The following TENM2 variants were observed in gnomAD, a reference collection of about 807,000 sequenced individuals.
TENM2 encodes teneurin-2.
In TENM2, 52 loss-of-function variants were observed where a neutral mutation model predicts 245.2. That is an observed-to-expected ratio of 0.21 (90% CI 0.17 to 0.27). The LOEUF is 0.27. TENM2 is among the 10% of genes least tolerant of loss of function. TENM2 has a pLI of 1.00. For synonymous variants in TENM2, 1,363 were observed against 1,438.9 expected, an observed-to-expected ratio of 0.95 and a Z score of 1.19; for missense variants, 3,046 against 3,666.8, an observed-to-expected ratio of 0.83 and a Z score of 4.37.
chr5:168,054,591 A>G (rs948636518), intron 6 of TENM2, among the ~76,000 whole-genome samples: 1 of 152,218 alleles, frequency 6.6e-6, no homozygotes, highest in Non-Finnish European at 1.5e-5. Context: ...CCCTGGTATG[A>G]CTATGAGTCC....
At chr5:167,111,159 C>G in the TENM2 span, among the ~76,000 whole-genome samples, 1 of 152,062 alleles carries the variant, frequency 6.6e-6, no homozygotes, top group Non-Finnish European at 1.5e-5. Flanking sequence ...TGTAAACATT[C>G]CTTTATATTT....
chr5:168,045,570 C>A (rs532846128), intron 5 of TENM2, among the ~76,000 whole-genome samples: 1 of 152,184 alleles, frequency 6.6e-6, no homozygotes, highest in East Asian at 1.9e-4. Flanking sequence ...CTTCCATAGA[C>A]GTGAAATCAA....
intron 2 of TENM2, among the ~76,000 whole-genome samples, chr5:167,774,504 A>G (rs2150786295): frequency 6.6e-6 from 1 of 152,282 alleles, no homozygotes; most frequent in African/African-American, 2.4e-5. Context: ...TCATCTCACC[A>G]TGTATCATCT....
chr5:168,036,906 C>G (rs1028230872), intron 5 of TENM2, among the ~76,000 whole-genome samples: 1 of 151,774 alleles, frequency 6.6e-6, no homozygotes, highest in South Asian at 2.1e-4. Flanking sequence ...TATCCTCCCC[C>G]ACCCCACCCC....
chr5:168,217,874 G>A (rs535726951), intron 22 of TENM2, among the ~76,000 whole-genome samples: 4 of 152,286 alleles, frequency 2.6e-5, no homozygotes, highest in Admixed American at 6.5e-5. Context: ...AGCATCATAG[G>A]TAGAGCTGAT....
chr5:167,402,625 C>G (rs1008892958), intron 2 of TENM2, among the ~76,000 whole-genome samples: 3 of 151,294 alleles, frequency 2.0e-5, no homozygotes, highest in African/African-American at 7.3e-5. Context: ...TTCTCCCATC[C>G]CCTAACATGA....
chr5:167,957,315 G>T (rs991620604), intron 4 of TENM2, among the ~76,000 whole-genome samples: 1 of 152,064 alleles, frequency 6.6e-6, no homozygotes, highest in Non-Finnish European at 1.5e-5. Context: ...GGGATCAGTG[G>T]TGATATCCCC....
chr5:167,964,871 G>A (rs772968700), intron 4 of TENM2, among the ~76,000 whole-genome samples: 4 of 152,146 alleles, frequency 2.6e-5, no homozygotes, highest in Admixed American at 6.5e-5. Flanking sequence ...ACTCTACCTC[G>A]AGAACAATTA....
At chr5:167,582,679 G>A (rs1352407701) in intron 2 of TENM2, among the ~76,000 whole-genome samples, 3 of 152,134 alleles carry the variant, frequency 2.0e-5, no homozygotes, top group African/African-American at 7.2e-5. Context: ...TACATGGCAC[G>A]AACCTTTACA....
chr5:167,293,368 A>ATTTTTTTT (rs199972172), intron 1 of TENM2, among the ~76,000 whole-genome samples: 11 of 130,542 alleles, frequency 8.4e-5, no homozygotes, highest in African/African-American at 1.2e-4. Context: ...TGTCCGGCTA[A>ATTTTTTTT]TTTTTTTTTT....
chr5:167,461,602 A>G (rs1488706511), intron 2 of TENM2, among the ~76,000 whole-genome samples: 1 of 152,238 alleles, frequency 6.6e-6, no homozygotes, highest in African/African-American at 2.4e-5. Context: ...ATTTAGCAAC[A>G]TATCTACATA....
At chr5:167,064,328 A>G in the TENM2 span, among the ~76,000 whole-genome samples, 2 of 152,216 alleles carry the variant, frequency 1.3e-5, no homozygotes, top group African/African-American at 4.8e-5. Flanking sequence ...TGGAAAATGT[A>G]TGTTAAAGTG....
intron 27 of TENM2, among the ~76,000 whole-genome samples, chr5:168,251,477 C>T (rs1767108670): frequency 6.6e-6 from 1 of 152,136 alleles, no homozygotes; most frequent in South Asian, 2.1e-4. Flanking sequence ...GCGGCGTGCA[C>T]AGGGTGGATG....
intron 2 of TENM2, among the ~76,000 whole-genome samples, chr5:167,525,959 C>T (rs4242224): frequency 0.68 from 102,805 of 151,792 alleles, 35,065 homozygotes; most frequent in East Asian, 0.85. Context: ...ACATCTCTAT[C>T]ATCTCCCAAT....
At chr5:168,210,797 G>GGTCA (rs1354336471) in intron 19 of TENM2, among the ~76,000 whole-genome samples, 3 of 152,248 alleles carry the variant, frequency 2.0e-5, no homozygotes, top group African/African-American at 7.2e-5. Context: ...GGGAAAGAGG[G>GGTCA]GTCAGGGGTT....
At chr5:167,833,764 G>A (rs904522327) in intron 2 of TENM2, among the ~76,000 whole-genome samples, 1 of 152,182 alleles carries the variant, frequency 6.6e-6, no homozygotes, top group Non-Finnish European at 1.5e-5. Context: ...TTGACATGGT[G>A]TGATCTCTAA....
intron 3 of TENM2, among the ~76,000 whole-genome samples, chr5:167,933,738 C>T (rs1448701029): frequency 6.6e-6 from 1 of 151,972 alleles, no homozygotes; most frequent in East Asian, 1.9e-4. Flanking sequence ...ATGGCCTGGG[C>T]TGACAATGAC....
At chr5:167,840,652 G>C (rs1415250711) in intron 2 of TENM2, among the ~76,000 whole-genome samples, 1 of 152,034 alleles carries the variant, frequency 6.6e-6, no homozygotes, top group South Asian at 2.1e-4. Flanking sequence ...GTAGCATTTT[G>C]AAGGAGACAG....
the TENM2 span, among the ~76,000 whole-genome samples, chr5:167,124,449 A>G: frequency 4.9e-3 from 745 of 152,322 alleles, 6 homozygotes; most frequent in African/African-American, 0.017. Context: ...ATACAACCTT[A>G]TATAAAACCT....
Sources: allele counts gnomAD v4.1 joint callset (sites outside exome capture counted in the v4.1 genomes callset), GRCh38; gene constraint gnomAD v4.1.1; transcripts MANE v1.5; gene names NCBI Gene and HGNC (gene_info 2026-07-23, HGNC 2026-07-21).